MPPED1: variants seen among roughly 807,000 people sequenced by gnomAD.
MPPED1 encodes the protein metallophosphoesterase domain containing 1.
MPPED1 carries 16 observed loss-of-function variants against 36.2 expected under a neutral mutation model. The ratio of observed to expected loss-of-function variants is 0.44; its 90% confidence interval spans 0.30 to 0.67. MPPED1 has a LOEUF of 0.67. Among genes scored for constraint, MPPED1 ranks in the 30% least tolerant of loss-of-function variants. The probability of loss-of-function intolerance (pLI) is 0.10; values close to 1 mark genes in which losing one functional copy is unlikely to be tolerated. For synonymous variants in MPPED1, 199 were observed against 191.3 expected (o/e 1.04, Z -0.33); for missense variants, 307 against 453.4 (o/e 0.68, Z 2.93).
chr22:43,440,005 C>A (rs546142365), intron 3 of MPPED1, among the ~76,000 whole-genome samples: 1 of 152,234 alleles, frequency 6.6e-6, no homozygotes, highest in Admixed American at 6.5e-5. Context: ...GCGGCGGGGG[C>A]GTGTCTCCTA....
At chr22:43,486,087 G>A (rs1007722765) in intron 4 of MPPED1, among the ~76,000 whole-genome samples, 1 of 152,248 alleles carries the variant, frequency 6.6e-6, no homozygotes, top group Non-Finnish European at 1.5e-5. Context: ...GAGGAAGTTC[G>A]GACAGTGGGA....
intron 4 of MPPED1, among the ~76,000 whole-genome samples, chr22:43,494,836 C>A (rs957643939): frequency 2.0e-5 from 3 of 152,088 alleles, no homozygotes; most frequent in Non-Finnish European, 4.4e-5. Flanking sequence ...ATTCCAAGAT[C>A]AAGGTGCTGG....
chr22:43,485,311 CAT>C (rs764011668), intron 4 of MPPED1, among the ~76,000 whole-genome samples: 1 of 152,064 alleles, frequency 6.6e-6, no homozygotes, highest in Non-Finnish European at 1.5e-5. Context: ...CAACCACACA[CAT>C]ATTCATAGAC....
chr22:43,431,826 T>C (rs1454369132), intron 2 of MPPED1, among the ~76,000 whole-genome samples: 1 of 152,232 alleles, frequency 6.6e-6, no homozygotes, highest in African/African-American at 2.4e-5. Flanking sequence ...GCAATCCAAA[T>C]AGCTGGGGGA....
intron 3 of MPPED1, among the ~76,000 whole-genome samples, chr22:43,444,667 ATTTC>A (rs1930273832): frequency 6.6e-6 from 1 of 151,484 alleles, no homozygotes; most frequent in Non-Finnish European, 1.5e-5. Flanking sequence ...CTGGCCCTTT[ATTTC>A]TTTATTTTTT....
intron 3 of MPPED1, among the ~76,000 whole-genome samples, chr22:43,439,381 A>G (rs1199558626): frequency 6.6e-6 from 1 of 152,268 alleles, no homozygotes; most frequent in Non-Finnish European, 1.5e-5. Flanking sequence ...TAAAGAGTGA[A>G]CGCAAAAGCA....
intron 1 of MPPED1, chr22:43,417,960 G>T: frequency 2.3e-6 from 1 of 441,108 alleles, no homozygotes; most frequent in South Asian, 1.6e-5. Context: ...TGGCTGTTGG[G>T]GGAGATGTTT....
intron 3 of MPPED1, among the ~76,000 whole-genome samples, chr22:43,464,965 C>T (rs76970628): frequency 0.049 from 7,431 of 152,270 alleles, 452 homozygotes; most frequent in African/African-American, 0.15. Context: ...CCCCTTGGTT[C>T]CCACCATCTG....
chr22:43,486,503 C>T (rs1327543892), intron 4 of MPPED1, among the ~76,000 whole-genome samples: 2 of 152,168 alleles, frequency 1.3e-5, no homozygotes, highest in Non-Finnish European at 2.9e-5. Flanking sequence ...GCAGCAGCCA[C>T]ATGGCTGGAA....
At chr22:43,445,171 C>CT (rs1930293588) in intron 3 of MPPED1, among the ~76,000 whole-genome samples, 1 of 152,178 alleles carries the variant, frequency 6.6e-6, no homozygotes, top group South Asian at 2.1e-4. Context: ...ACTTGAAGGC[C>CT]TATTCCTGTG....
chr22:43,449,463 A>G (rs1309386978), intron 3 of MPPED1, among the ~76,000 whole-genome samples: 2 of 115,408 alleles, frequency 1.7e-5, no homozygotes, highest in Non-Finnish European at 3.3e-5. Context: ...CAGTGTTGTT[A>G]TTGGCTAAGT....
At chr22:43,421,231 G>A (rs557585353) in intron 1 of MPPED1, among the ~76,000 whole-genome samples, 4 of 152,372 alleles carry the variant, frequency 2.6e-5, no homozygotes, top group Admixed American at 6.5e-5. Flanking sequence ...GAGAATGCTC[G>A]CCTCCTCGCA....
intron 3 of MPPED1, among the ~76,000 whole-genome samples, chr22:43,465,639 C>G (rs1288107401): frequency 6.6e-6 from 1 of 152,156 alleles, no homozygotes; most frequent in Non-Finnish European, 1.5e-5. Flanking sequence ...TGTTGGGGGG[C>G]ACCCATCATC....
intron 4 of MPPED1, among the ~76,000 whole-genome samples, chr22:43,478,722 C>T (rs73167991): frequency 0.07 from 10,686 of 152,168 alleles, 419 homozygotes; most frequent in Middle Eastern, 0.11. Flanking sequence ...TGTTTGGTGC[C>T]GCCAGAACCC....
chr22:43,461,506 C>G (rs994220475), intron 3 of MPPED1, among the ~76,000 whole-genome samples: 9 of 152,200 alleles, frequency 5.9e-5, no homozygotes, highest in African/African-American at 2.2e-4. Flanking sequence ...TTGTTGTTGA[C>G]TTTGTGGAGG....
At chr22:43,488,834 G>A (rs991317521) in intron 4 of MPPED1, among the ~76,000 whole-genome samples, 3 of 152,224 alleles carry the variant, frequency 2.0e-5, no homozygotes, top group Admixed American at 6.5e-5. Context: ...GCATCCGTCC[G>A]CCCTCCTCAG....
chr22:43,475,898 T>A (rs1364056257), intron 4 of MPPED1, among the ~76,000 whole-genome samples: 1 of 147,292 alleles, frequency 6.8e-6, no homozygotes, highest in Non-Finnish European at 1.5e-5. Context: ...ATGGTGGTTA[T>A]GCTGATGGTG....
chr22:43,450,342 C>G lies in MPPED1; in HGVS notation c.406+15127C>G, dbSNP rs149762804. 7.7e-3 allele frequency among the ~76,000 whole-genome samples: 1,168 copies of G among 152,348 alleles called. 25 individuals are homozygous for G. Among genetic ancestry groups the G allele is most frequent in the African/African-American group, 0.026 (1,093 of 41,584 alleles). On this transcript the variant is annotated intron_variant, in intron 3 of 6. Coordinates refer to ENST00000443721, the MANE Select transcript of MPPED1 (RefSeq NM_001044370.2). ...CTGAGAAGGTCATCACTCCCCTGTG[C>G]CTCAGTGTCTTCACCTAAAAAATGG...
intron 3 of MPPED1, among the ~76,000 whole-genome samples, chr22:43,466,686 A>G (rs935587060): frequency 2.0e-5 from 3 of 152,158 alleles, no homozygotes; most frequent in African/African-American, 7.2e-5. Flanking sequence ...GGACAGGGCC[A>G]CTATCCACCT....
Sources: allele counts gnomAD v4.1 joint callset (sites outside exome capture counted in the v4.1 genomes callset), GRCh38; gene constraint gnomAD v4.1.1; transcripts MANE v1.5; gene names NCBI Gene and HGNC (gene_info 2026-07-23, HGNC 2026-07-21).